Variants in TMC5 observed in about 807,000 individuals in gnomAD.
TMC5 encodes the protein transmembrane channel like 5, also known as transmembrane channel-like protein 5.
TMC5 carries 86 observed loss-of-function variants against 110.5 expected under a neutral mutation model. The observed-to-expected ratio is 0.78, with a 90% CI of 0.65 to 0.93. TMC5 has a LOEUF of 0.93. TMC5 is among the 40% of genes least tolerant of loss of function. The pLI is 0.00. For missense variants in TMC5, 1,144 were observed against 1,222.8 expected, an observed-to-expected ratio of 0.94 and a Z score of 0.96; for synonymous variants, 455 against 439.5, an observed-to-expected ratio of 1.04 and a Z score of -0.44.
At chr16:19,422,927 C>T (rs1967016591) in intron 1 of TMC5, among the ~76,000 whole-genome samples, 1 of 151,970 alleles carries the variant, frequency 6.6e-6, no homozygotes, top group Non-Finnish European at 1.5e-5. Flanking sequence ...CAGCCTGGGC[C>T]ACAGAGCGAG....
intron 15 of TMC5, among the ~76,000 whole-genome samples, chr16:19,483,814 G>A (rs533530999): frequency 5.3e-5 from 8 of 150,832 alleles, no homozygotes; most frequent in Admixed American, 1.3e-4. Context: ...GGCCAGGCAC[G>A]GTGGCTCACG....
chr16:19,466,374 TAG>T (rs1968190271), intron 9 of TMC5, 141 bp downstream of exon 9: 3 of 942,716 alleles, frequency 3.2e-6, no homozygotes. Context: ...CTTTCTTAGA[TAG>T]AGTCTCGCTC....
At chr16:19,436,666 C>A (rs541800482) in intron 2 of TMC5, among the ~76,000 whole-genome samples, 9 of 152,190 alleles carry the variant, frequency 5.9e-5, no homozygotes. Flanking sequence ...ACACCCAACT[C>A]AAACCAGCTT....
At chr16:19,488,023 T>TGA (rs1467225684) in intron 17 of TMC5, 1 of 152,602 alleles carries the variant, frequency 6.6e-6, no homozygotes, top group Non-Finnish European at 1.5e-5. Flanking sequence ...GGATCCGCCC[T>TGA]GAGTTGTCTG....
upstream of TMC5, among the ~76,000 whole-genome samples, chr16:19,416,423 C>G (rs1231507584): frequency 6.6e-6 from 1 of 152,138 alleles, no homozygotes; most frequent in African/African-American, 2.4e-5. Context: ...CAGAGAAAAC[C>G]CTTTGTGATG....
chr16:19,493,466 T>TCTGTC (rs563230178), intron 19 of TMC5, among the ~76,000 whole-genome samples: 4 of 124,500 alleles, frequency 3.2e-5, no homozygotes, highest in Non-Finnish European at 1.6e-5. Flanking sequence ...TCTCTCTCTC[T>TCTGTC]TTTTTTTTTT....
At chr16:19,432,114 A>G (rs1217572459) in intron 2 of TMC5, among the ~76,000 whole-genome samples, 1 of 152,180 alleles carries the variant, frequency 6.6e-6, no homozygotes, top group Non-Finnish European at 1.5e-5. Flanking sequence ...GCAGAGAGCC[A>G]GGTAAATAGC....
At chr16:19,463,259 T>C (rs1287451482) in intron 6 of TMC5, 21 bp from the exon 7 acceptor site, 6 of 1,585,540 alleles carry the variant, frequency 3.8e-6, no homozygotes, top group African/African-American at 1.3e-5. Context: ...ATCTCTCATT[T>C]TCTCTTGCTG....
At chr16:19,428,691 T>C (rs772153806) in intron 1 of TMC5, among the ~76,000 whole-genome samples, 1 of 152,226 alleles carries the variant, frequency 6.6e-6, no homozygotes, top group Non-Finnish European at 1.5e-5. Context: ...TTACATTCTC[T>C]TTACCTTACC....
At chr16:19,422,991 G>A (rs998463528) in intron 1 of TMC5, among the ~76,000 whole-genome samples, 1 of 152,106 alleles carries the variant, frequency 6.6e-6, no homozygotes, top group Non-Finnish European at 1.5e-5. Flanking sequence ...AGTCGTGGTG[G>A]CATGTGCCTG....
chr16:19,428,866 C>T (rs936232456), intron 1 of TMC5, among the ~76,000 whole-genome samples: 5 of 152,230 alleles, frequency 3.3e-5, no homozygotes, highest in South Asian at 4.1e-4. Flanking sequence ...CTCTCTGTTG[C>T]CCAGGCTGGA....
chr16:19,424,524 C>T (rs1164507947), intron 1 of TMC5, among the ~76,000 whole-genome samples: 1 of 152,094 alleles, frequency 6.6e-6, no homozygotes, highest in East Asian at 1.9e-4. Context: ...TGGCGGACCC[C>T]TGTAATCCCA....
At chr16:19,481,334 T>C (rs1968613269) in intron 14 of TMC5, 36 bp from the exon 15 acceptor site, 3 of 1,433,052 alleles carry the variant, frequency 2.1e-6, no homozygotes, top group African/African-American at 1.4e-5. Context: ...AAGTGGGAGT[T>C]ATGGTTTGGG....
intron 4 of TMC5, among the ~76,000 whole-genome samples, chr16:19,447,444 T>A (rs1967639204): frequency 6.6e-6 from 1 of 152,188 alleles, no homozygotes; most frequent in African/African-American, 2.4e-5. Context: ...AATGTAATAT[T>A]TGCTGAATAA....
intron 9 of TMC5, 67 bp from the exon 10 acceptor site, chr16:19,469,614 T>A: frequency 6.3e-7 from 1 of 1,589,460 alleles, no homozygotes; most frequent in Non-Finnish European, 8.6e-7. Context: ...CTGCCCTTTG[T>A]TGAAGCCCTG....
chr16:19,421,560 T>C (rs984461822), intron 1 of TMC5, among the ~76,000 whole-genome samples: 3 of 152,222 alleles, frequency 2.0e-5, no homozygotes, highest in African/African-American at 7.2e-5. Flanking sequence ...TCTTTATAAA[T>C]TACCTAGTCT....
chr16:19,445,241 G>A (rs1271495752), intron 4 of TMC5, among the ~76,000 whole-genome samples: 2 of 151,230 alleles, frequency 1.3e-5, no homozygotes, highest in African/African-American at 4.9e-5. Context: ...AGCTCCAGGA[G>A]GCAAAGGAAA....
intron 2 of TMC5, among the ~76,000 whole-genome samples, chr16:19,434,299 T>G (rs1967278287): frequency 1.1e-5 from 1 of 94,356 alleles, no homozygotes; most frequent in Non-Finnish European, 2.2e-5. Flanking sequence ...ATATATTATA[T>G]GATCTATATT....
intron 4 of TMC5, among the ~76,000 whole-genome samples, chr16:19,447,644 G>A (rs1967643680): frequency 6.6e-6 from 1 of 151,948 alleles, no homozygotes; most frequent in African/African-American, 2.4e-5. Context: ...GAGTGCAGTG[G>A]TGCAATCTCA....
Sources: gnomAD v4.1 joint callset for allele counts (sites outside exome capture counted in the v4.1 genomes callset) on GRCh38, gnomAD v4.1.1 for gene constraint, MANE v1.5 for transcripts, NCBI Gene and HGNC (gene_info 2026-07-23, HGNC 2026-07-21) for gene names.